ADGRL4: variants seen among roughly 807,000 people sequenced by gnomAD.
ADGRL4 encodes adhesion G protein-coupled receptor L4, also known as EGF, latrophilin and seven transmembrane domain containing 1.
ADGRL4 carries 90 observed loss-of-function variants against 74.8 expected under a neutral mutation model. The observed-to-expected ratio is 1.20, with a 90% CI of 1.02 to 1.43. The LOEUF (loss-of-function observed/expected upper bound fraction) is 1.43, where lower values mean the gene tolerates loss of function less well. ADGRL4 is among the 40% of genes most tolerant of loss of function. The probability of loss-of-function intolerance (pLI) is 0.00; values close to 1 mark genes in which losing one functional copy is unlikely to be tolerated. For missense variants in ADGRL4, 881 were observed against 814.3 expected (o/e 1.08, Z -1.00); for synonymous variants, 311 against 279.2 (o/e 1.11, Z -1.14).
chr1:78,979,581 A>G (rs1316400985), intron 2 of ADGRL4, among the ~76,000 whole-genome samples: 3 of 151,992 alleles, frequency 2.0e-5, no homozygotes, highest in Non-Finnish European at 4.4e-5. Context: ...TCATAATATG[A>G]AAAAGACACA....
At chr1:79,006,297 C>A (rs1650960953) in intron 1 of ADGRL4, among the ~76,000 whole-genome samples, 1 of 152,146 alleles carries the variant, frequency 6.6e-6, no homozygotes, top group South Asian at 2.1e-4. Flanking sequence ...TCAAATCTGG[C>A]CCGGCAATCC....
intron 2 of ADGRL4, among the ~76,000 whole-genome samples, chr1:79,002,296 C>A (rs1469206855): frequency 6.6e-6 from 1 of 152,108 alleles, no homozygotes; most frequent in African/African-American, 2.4e-5. Flanking sequence ...CCATGCTACT[C>A]ATGAAAAAAT....
chr1:78,982,926 T>G (rs2100727651), intron 2 of ADGRL4, among the ~76,000 whole-genome samples: 1 of 151,922 alleles, frequency 6.6e-6, no homozygotes, highest in East Asian at 1.9e-4. Context: ...ACATATTCAG[T>G]GATAGGATGG....
At chr1:78,979,437 C>G (rs1650356329) in intron 2 of ADGRL4, among the ~76,000 whole-genome samples, 1 of 151,880 alleles carries the variant, frequency 6.6e-6, no homozygotes, top group Admixed American at 6.6e-5. Flanking sequence ...TTTGCCAAGC[C>G]ATTAAACGTA....
rs541262769 is a variant in ADGRL4, at chr1:78,936,224, TAATC to T, written c.877+67_877+70del. Reference sequence around the variant, plus strand: ...CCACATGTTACATGTACATATGACATAATCAAATGCATGATAAATATTTATTGCA... The same window carrying T: ...CCACATGTTACATGTACATATGACATAAATGCATGATAAATATTTATTGCA... On this transcript the variant is annotated intron_variant, in intron 7 of 14. Coordinates refer to ENST00000370742, the MANE Select transcript of ADGRL4 (RefSeq NM_022159.4). 7.6e-5 allele frequency: 111 copies of T among 1,467,058 alleles called. 1 individual carries two copies. The African/African-American group carries it at 1.5e-3, about 20-fold the overall frequency. 90.9% of individuals were successfully genotyped at this position (1,467,058 alleles called of 1,614,324 possible).
chr1:78,895,208 C>G (rs539651471), intron 12 of ADGRL4, among the ~76,000 whole-genome samples: 1 of 152,028 alleles, frequency 6.6e-6, no homozygotes, highest in South Asian at 2.1e-4. Context: ...TTCATGTTAT[C>G]CAAAAATCAC....
At chr1:78,983,603 C>T (rs978814755) in intron 2 of ADGRL4, among the ~76,000 whole-genome samples, 1 of 151,598 alleles carries the variant, frequency 6.6e-6, no homozygotes, top group Non-Finnish European at 1.5e-5. Flanking sequence ...AAACATATAA[C>T]AGAAAGAGGA....
rs376229159 is a variant in ADGRL4 at position 78,896,856 on chromosome 1, G to T, written c.1750-3667C>A. 2.0e-4 allele frequency among the ~76,000 whole-genome samples: 31 copies of T among 152,178 alleles called. 2 individuals are homozygous for T. The South Asian group carries it at 6.2e-3, about 31-fold the overall frequency. On this transcript the variant is annotated intron_variant, in intron 12 of 14. Transcript: ENST00000370742. The stretch of plus-strand genomic sequence containing the variant: ...CTCTGCTATACCTCTTCCCCCAAGC[G>T]TTACTTCTCTATCTTTTGACCACTT...
At position 79,006,730 on chromosome 1, in the gene ADGRL4, C is replaced by T. The variant is rs1043024574; in HGVS notation, c.-76G>A. The T allele has an allele frequency of 2.9e-6, 4 of 1,386,692 alleles. No homozygotes were observed. Among genetic ancestry groups the T allele is most frequent in the Non-Finnish European group, 3.7e-6 (4 of 1,067,946 alleles). 85.9% of individuals were successfully genotyped at this position (1,386,692 alleles called of 1,614,324 possible). On this transcript the variant is annotated 5_prime_UTR_variant, in exon 1 of 15. Coordinates refer to ENST00000370742, the MANE Select transcript of ADGRL4 (RefSeq NM_022159.4). ...CGGCTGTGGACCCGGGACCGGGCGCCGCTGGGCGGGCGCGGCAGGGTCCCG... is the reference window on the plus strand; with the variant it reads ...CGGCTGTGGACCCGGGACCGGGCGCTGCTGGGCGGGCGCGGCAGGGTCCCG...
At chr1:78,897,872 C>T (rs748397840) in intron 12 of ADGRL4, among the ~76,000 whole-genome samples, 3 of 152,004 alleles carry the variant, frequency 2.0e-5, no homozygotes, top group African/African-American at 4.8e-5. Context: ...CACATTTACT[C>T]GTTTATATTT....
At chr1:78,929,795 A>C (rs998227938) in intron 7 of ADGRL4, among the ~76,000 whole-genome samples, 1 of 151,506 alleles carries the variant, frequency 6.6e-6, no homozygotes, top group East Asian at 1.9e-4. Context: ...GGATCATTAA[A>C]TATAACAAAG....
chr1:78,891,053 TTAATAA>T lies in ADGRL4; in HGVS notation c.*95_*100del. On this transcript the variant is annotated 3_prime_UTR_variant, in exon 15 of 15. Transcript: ENST00000370742. ...ATTTAAAATACTTTTTGTCTAGTAGTTAATAATTGGATAATTTGATGAGTCATTTTT... is the reference window on the plus strand; with the variant it reads ...ATTTAAAATACTTTTTGTCTAGTAGTTTGGATAATTTGATGAGTCATTTTT... The T allele has an allele frequency of 8.5e-7, 1 of 1,177,536 alleles. No individual in the cohort carries two copies. Among genetic ancestry groups the T allele is most frequent in the Non-Finnish European group, 1.3e-6 (1 of 787,514 alleles). The allele number at this position is 1,177,536 out of a possible 1,614,324, so 72.9% of individuals were successfully genotyped here.
At chr1:78,951,074 T>C (rs1649712913) in intron 2 of ADGRL4, among the ~76,000 whole-genome samples, 1 of 152,148 alleles carries the variant, frequency 6.6e-6, no homozygotes, top group Non-Finnish European at 1.5e-5. Flanking sequence ...AGCATGGCAT[T>C]TCTCAGCTCC....
chr1:79,000,765 G>A (rs1412398590), intron 2 of ADGRL4, among the ~76,000 whole-genome samples: 2 of 152,038 alleles, frequency 1.3e-5, no homozygotes, highest in Non-Finnish European at 2.9e-5. Flanking sequence ...GGTAAACCCT[G>A]GGTTAATTTA....
At chr1:78,925,857 C>T (rs1649101794) in intron 8 of ADGRL4, among the ~76,000 whole-genome samples, 1 of 152,012 alleles carries the variant, frequency 6.6e-6, no homozygotes, top group Admixed American at 6.6e-5. Flanking sequence ...ACGGAAAAAA[C>T]ATCAGACCAT....
chr1:78,954,485 A>G (rs1294945096), intron 2 of ADGRL4, among the ~76,000 whole-genome samples: 2 of 152,180 alleles, frequency 1.3e-5, no homozygotes, highest in African/African-American at 4.8e-5. Flanking sequence ...ATAGCAATCA[A>G]GTATATCAAC....
chr1:78,890,814 G>C lies in ADGRL4; in HGVS notation c.*340C>G, dbSNP rs570147337. ...CACGAGTCACAGAAATATCAAGCCA[G>C]TGGTTTCCTTCAGGACATTCATATA... On this transcript the variant is annotated 3_prime_UTR_variant, in exon 15 of 15. Transcript: ENST00000370742. The C allele has an allele frequency of 1.3e-5, 3 of 223,294 alleles. No individual in the cohort carries two copies. The highest frequency in any genetic ancestry group is 2.7e-5 in the Non-Finnish European group (3 of 112,730). The allele number at this position is 223,294 out of a possible 1,614,324, so 13.8% of individuals were successfully genotyped here. A position where few individuals can be genotyped will look rare whatever the true frequency, so the allele number is the denominator to read the frequency against.
intron 2 of ADGRL4, among the ~76,000 whole-genome samples, chr1:78,951,451 T>C (rs1292287048): frequency 6.6e-6 from 1 of 152,186 alleles, no homozygotes; most frequent in Non-Finnish European, 1.5e-5. Context: ...GTTAAAATAA[T>C]AAACAGATGC....
intron 12 of ADGRL4, among the ~76,000 whole-genome samples, chr1:78,907,626 G>A (rs376645056): frequency 2.6e-5 from 4 of 151,950 alleles, no homozygotes; most frequent in East Asian, 3.9e-4. Context: ...TGAATCAAGC[G>A]GGACTTTCCT....
Sources: gnomAD v4.1 joint callset for allele counts (sites outside exome capture counted in the v4.1 genomes callset) on GRCh38, gnomAD v4.1.1 for gene constraint, MANE v1.5 for transcripts, NCBI Gene and HGNC (gene_info 2026-07-23, HGNC 2026-07-21) for gene names.